The following SLC7A8 variants were observed in gnomAD, a reference collection of about 807,000 sequenced individuals.
SLC7A8 encodes the protein solute carrier family 7 member 8.
In SLC7A8, 30 loss-of-function variants were observed where a neutral mutation model predicts 51.2. The ratio of observed to expected loss-of-function variants is 0.59; its 90% confidence interval spans 0.44 to 0.80. The LOEUF is 0.80. Ranked by LOEUF, SLC7A8 falls within the 30% of genes least tolerant of loss-of-function variation. The pLI, the probability that SLC7A8 is intolerant of heterozygous loss-of-function variation, is 0.00. For synonymous variants in SLC7A8, 257 were observed against 275.8 expected (o/e 0.93, Z 0.67); for missense variants, 612 against 674.4 (o/e 0.91, Z 1.03).
At chr14:23,157,724 G>A (rs2048901481) in intron 3 of SLC7A8, among the ~76,000 whole-genome samples, 1 of 152,042 alleles carries the variant, frequency 6.6e-6, no homozygotes, top group Non-Finnish European at 1.5e-5. Context: ...GCTGAATATT[G>A]CCTGACTATG....
At chr14:23,174,395 C>A (rs972916157) in intron 1 of SLC7A8, among the ~76,000 whole-genome samples, 2 of 152,234 alleles carry the variant, frequency 1.3e-5, no homozygotes, top group African/African-American at 4.8e-5. Flanking sequence ...GTTGCCTGGT[C>A]CACCTTCAGA....
intron 1 of SLC7A8, among the ~76,000 whole-genome samples, chr14:23,180,448 G>C (rs1481788634): frequency 6.6e-6 from 1 of 152,136 alleles, no homozygotes; most frequent in African/African-American, 2.4e-5. Context: ...CATCTTAAAG[G>C]GGAAATTTGT....
At chr14:23,154,553 G>C in intron 3 of SLC7A8, 1 of 889,650 alleles carries the variant, frequency 1.1e-6, no homozygotes, top group Non-Finnish European at 1.3e-6. Context: ...GCTTCGGCTT[G>C]GCCTGTCCAA....
At position 23,139,678 on chromosome 14, in the gene SLC7A8, T is replaced by C. The variant is rs551822059; in HGVS notation, c.789-131A>G. 9.5e-6 allele frequency: 11 copies of C among 1,163,492 alleles called. No homozygotes were observed. In the East Asian group the frequency reaches 2.9e-4, roughly 31 times the overall value. 72.1% of individuals were successfully genotyped at this position (1,163,492 alleles called of 1,614,324 possible). On this transcript the variant is annotated intron_variant, in intron 5 of 10. Transcript: ENST00000316902. ...AGCCTTCTGTGAGGCTTCCTTTCCC[T>C]GGGAGGTGGGCTTTGTCTCAATATG...
At chr14:23,182,550 A>G (rs1406063866) in intron 1 of SLC7A8, among the ~76,000 whole-genome samples, 9 of 152,156 alleles carry the variant, frequency 5.9e-5, no homozygotes, top group African/African-American at 1.9e-4. Flanking sequence ...TTCTATGAAC[A>G]CTGGGCAGAA....
intron 1 of SLC7A8, among the ~76,000 whole-genome samples, chr14:23,180,048 GGCATGC>G (rs895487274): frequency 6.6e-6 from 1 of 151,914 alleles, no homozygotes; most frequent in Non-Finnish European, 1.5e-5. Flanking sequence ...TGGGACTACA[GGCATGC>G]GCCACGACGC....
At chr14:23,172,129 A>G (rs1262707884) in intron 1 of SLC7A8, among the ~76,000 whole-genome samples, 1 of 152,190 alleles carries the variant, frequency 6.6e-6, no homozygotes, top group Non-Finnish European at 1.5e-5. Context: ...TGGGGAATCA[A>G]GGGAGAGGTT....
At position 23,145,144 on chromosome 14, in the gene SLC7A8, T is replaced by A. The variant is rs137972175; in HGVS notation, c.509-1940A>T. On this transcript the variant is annotated intron_variant, in intron 3 of 10. Coordinates refer to ENST00000316902, the MANE Select transcript of SLC7A8 (RefSeq NM_012244.4). ...ACCGTGTTAGCCAGAATGGTCTCGA[T>A]CTCCTGATCTCATGATCCTCAGCCT... Among the ~76,000 whole-genome samples, 184 of 150,874 alleles carry A rather than the reference T, an allele frequency of 1.2e-3. 1 individual carries two copies. The highest frequency in any genetic ancestry group is 4.3e-3 in the African/African-American group (174 of 40,908).
chr14:23,173,059 T>C (rs1255198314), intron 1 of SLC7A8, among the ~76,000 whole-genome samples: 2 of 152,244 alleles, frequency 1.3e-5, no homozygotes, highest in Non-Finnish European at 2.9e-5. Context: ...CAGTGTTAAG[T>C]ATATTCACAT....
chr14:23,128,293 C>A lies in SLC7A8; in HGVS notation c.1264-97G>T. On this transcript the variant is annotated intron_variant, in intron 9 of 10. Transcript: ENST00000316902. This position sits in a 1 kb window ranked among gnomAD's most constrained non-coding sequence, Gnocchi z 4.3. ...TCTCTCTCTTCTTCACCCACAGAGA[C>A]ACATCCTCAAGGGCAAAGGCTGGGC... 1.3e-6 allele frequency: 2 copies of A among 1,564,268 alleles called. No homozygotes were observed. Among genetic ancestry groups the A allele is most frequent in the Non-Finnish European group, 1.7e-6 (2 of 1,155,944 alleles).
chr14:23,163,451 C>G lies in SLC7A8; in HGVS notation c.508+1834G>C, dbSNP rs538469371. ...AAGGAATACACCCCCAAACAAATGTCTTGGCCCCATATTGCAAATGGCCTG... is the reference window on the plus strand; with the variant it reads ...AAGGAATACACCCCCAAACAAATGTGTTGGCCCCATATTGCAAATGGCCTG... On this transcript the variant is annotated intron_variant, in intron 3 of 10. Transcript: ENST00000316902. 3.9e-5 allele frequency among the ~76,000 whole-genome samples: 6 copies of G among 152,354 alleles called. No homozygotes were observed. The East Asian group carries it at 1.2e-3, about 29-fold the overall frequency.
rs1361016943 is a variant in SLC7A8 at position 23,165,609 on chromosome 14, T to C, written c.357-173A>G. Among the ~76,000 whole-genome samples the C allele has an allele frequency of 1.3e-3, 3 of 2,306 alleles. No individual in the cohort carries two copies. The highest frequency in any genetic ancestry group is 1.9e-3 in the African/African-American group (3 of 1,550). The allele number at this position is 2,306 out of a possible 152,430, so 1.5% of individuals were successfully genotyped here. A position where few individuals can be genotyped will look rare whatever the true frequency, so the allele number is the denominator to read the frequency against. Reference sequence around the variant, plus strand: ...GCCCTCTGCAGTGACAATAAAATGGTTTAATGAAGAGTTAAATTTCCACAA... The same window carrying C: ...GCCCTCTGCAGTGACAATAAAATGGCTTAATGAAGAGTTAAATTTCCACAA... On this transcript the variant is annotated intron_variant, in intron 2 of 10. Coordinates refer to ENST00000316902, the MANE Select transcript of SLC7A8 (RefSeq NM_012244.4). The surrounding 1 kb of genome is among the most constrained non-coding windows in gnomAD (Gnocchi z 4.2).
intron 3 of SLC7A8, among the ~76,000 whole-genome samples, chr14:23,149,033 C>A (rs1172601462): frequency 1.3e-5 from 2 of 152,130 alleles, no homozygotes; most frequent in Non-Finnish European, 2.9e-5. Context: ...TGTCCACAGG[C>A]CTTGCGGGAC....
intron 1 of SLC7A8, among the ~76,000 whole-genome samples, chr14:23,170,962 C>T (rs1260819763): frequency 6.6e-6 from 1 of 152,176 alleles, no homozygotes; most frequent in Non-Finnish European, 1.5e-5. Flanking sequence ...TGCCTGGCCT[C>T]AAGTGATCCT....
rs1265819803 is a variant in SLC7A8, at chr14:23,183,368, T to C, written c.-454A>G. ...GCCTTTACCTCCCCTTAGTTTTTTCTTTTATGATGAAGACAAAAGTAGTTT... is the reference window on the plus strand; with the variant it reads ...GCCTTTACCTCCCCTTAGTTTTTTCCTTTATGATGAAGACAAAAGTAGTTT... On this transcript the variant is annotated 5_prime_UTR_variant, in exon 1 of 11. Transcript: ENST00000316902. 2.0e-5 allele frequency: 3 copies of C among 153,720 alleles called. No homozygotes were observed. The highest frequency in any genetic ancestry group is 4.3e-5 in the Non-Finnish European group (3 of 69,140). The allele number at this position is 153,720 out of a possible 1,614,324, so 9.5% of individuals were successfully genotyped here.
chr14:23,140,012 A>G (rs2048727888), intron 5 of SLC7A8, among the ~76,000 whole-genome samples: 1 of 152,176 alleles, frequency 6.6e-6, no homozygotes, highest in Admixed American at 6.5e-5. Flanking sequence ...GTCTAAAAAC[A>G]AAACAAAACA....
At position 23,140,630 on chromosome 14, in the gene SLC7A8, G is replaced by A. The variant is rs758175413; in HGVS notation, c.635-6C>T. Reference sequence around the variant, plus strand: ...CTCCAGCCAGAAGTACTCTCCTGTGGACACAAGCAACAGGAGGCCGCTCAG... The same window carrying A: ...CTCCAGCCAGAAGTACTCTCCTGTGAACACAAGCAACAGGAGGCCGCTCAG... On this transcript the variant is annotated splice_polypyrimidine_tract_variant and splice_region_variant and intron_variant, in intron 4 of 10. Transcript: ENST00000316902. 6.2e-7 allele frequency: 1 copy of A among 1,609,028 alleles called. No homozygotes were observed. Among genetic ancestry groups the A allele is most frequent in the Non-Finnish European group, 8.5e-7 (1 of 1,176,018 alleles).
rs2048622526 is a variant in SLC7A8, at chr14:23,130,548, T to G, written c.1114-749A>C. ...TTAATGGTTCTTGCTACATCTGCCT[T>G]TTAGTCACACTACTGCACCAATAGC... On this transcript the variant is annotated intron_variant, in intron 8 of 10. Transcript: ENST00000316902. Among the ~76,000 whole-genome samples the G allele has an allele frequency of 2.0e-5, 3 of 152,196 alleles. No homozygotes were observed. The South Asian group carries it at 6.2e-4, about 31-fold the overall frequency.
In SLC7A8 at chr14:23,140,614, G is replaced by T; in HGVS notation, c.645C>A (p.Phe215Leu). ...CAAATGCATTCTTTGGCTCCAGCCAGAAGTACTCTCCTGTGGACACAAGCA... is the reference window on the plus strand; with the variant it reads ...CAAATGCATTCTTTGGCTCCAGCCATAAGTACTCTCCTGTGGACACAAGCA... ...GIVQICKGEYFWLEPKNAFEN... is the reference protein window; with the variant it reads ...GIVQICKGEYLWLEPKNAFEN... The change falls in exon 5 of 11, where the codon TTC becomes TTA. Residue 215 changes from phenylalanine (F) to leucine (L), a missense_variant. Transcript: ENST00000316902. The T allele has an allele frequency of 6.2e-7, 1 of 1,613,866 alleles. No individual in the cohort carries two copies. The highest frequency in any genetic ancestry group is 1.1e-5 in the South Asian group (1 of 91,070).
Sources: gnomAD v4.1 joint callset for allele counts (sites outside exome capture counted in the v4.1 genomes callset) on GRCh38, gnomAD v4.1.1 for gene constraint, Gnocchi (gnomAD v3.1) non-coding constraint, MANE v1.5 for transcripts, NCBI Gene and HGNC (gene_info 2026-07-23, HGNC 2026-07-21) for gene names.